COMMD1: variants seen among roughly 807,000 people sequenced by gnomAD.
COMMD1 encodes the protein copper metabolism domain containing 1, also known as COMM domain-containing protein 1.
Under a neutral mutation model 17.2 loss-of-function variants are expected in COMMD1, and 10 were observed. That is an observed-to-expected ratio of 0.58 (90% CI 0.36 to 0.99). The LOEUF (loss-of-function observed/expected upper bound fraction) is 0.99. COMMD1 is among the 50% of genes least tolerant of loss of function. The pLI is 0.01. For missense variants in COMMD1, 270 were observed against 231.8 expected, an observed-to-expected ratio of 1.17 and a Z score of -1.07; for synonymous variants, 97 against 91.6, an observed-to-expected ratio of 1.06 and a Z score of -0.34.
At chr2:62,066,193 G>A (rs191683350) in intron 2 of COMMD1, among the ~76,000 whole-genome samples, 26 of 152,176 alleles carry the variant, frequency 1.7e-4, no homozygotes, top group African/African-American at 3.1e-4. Flanking sequence ...TAATCTTACC[G>A]TTATTTCCTA....
intron 1 of COMMD1, chr2:61,915,840 G>T (rs1221822916): frequency 5.1e-5 from 16 of 314,232 alleles, no homozygotes; most frequent in Non-Finnish European, 1.9e-5. Context: ...TAGTTTTTTT[G>T]ATTATTAAAA....
Position 62,104,892 on chromosome 2 carries a change from G to A in COMMD1, c.463-30939G>A, listed in dbSNP as rs537346988. 1.9e-3 allele frequency among the ~76,000 whole-genome samples: 285 copies of A among 151,922 alleles called. 1 individual carries two copies. The highest frequency in any genetic ancestry group is 6.5e-3 in the African/African-American group (269 of 41,452). On this transcript the variant is annotated intron_variant, in intron 2 of 2. Transcript: ENST00000311832. The stretch of plus-strand genomic sequence containing the variant: ...TGTAGTCCCAGCACTTTGGGAGGCC[G>A]AGGTGGGTGGATCACCCGAGGTCAG...
At chr2:61,956,774 T>TG (rs1671208926) in intron 1 of COMMD1, among the ~76,000 whole-genome samples, 1 of 151,738 alleles carries the variant, frequency 6.6e-6, no homozygotes, top group Admixed American at 6.6e-5. Context: ...TTTTTTGCGA[T>TG]GGGGTCTCGC....
intron 1 of COMMD1, among the ~76,000 whole-genome samples, chr2:61,976,271 G>C (rs114822773): frequency 0.019 from 2,785 of 149,958 alleles, 42 homozygotes; most frequent in Middle Eastern, 0.052. Flanking sequence ...ACTATATGTT[G>C]TCTATAAAAA....
In COMMD1 at chr2:61,930,656, TGA is replaced by T. The variant is rs1553369159; in HGVS notation, c.180+24800_180+24801del. On this transcript the variant is annotated intron_variant, in intron 1 of 2. Coordinates refer to ENST00000311832, the MANE Select transcript of COMMD1 (RefSeq NM_152516.4). ...GTGTGTGTGTGTGTGTGTGTGTGTG[TGA>T]GTGAGTGTTTGAGCTCACCTATCCA... Among the ~76,000 whole-genome samples, 16 of 148,446 alleles carry T rather than the reference TGA, an allele frequency of 1.1e-4. 1 individual carries two copies. Among genetic ancestry groups the T allele is most frequent in the East Asian group, 2.0e-4 (1 of 5,054 alleles).
Position 62,065,173 on chromosome 2 carries a change from T to A in COMMD1, c.462+64191T>A, listed in dbSNP as rs34579697. 8.5e-3 allele frequency among the ~76,000 whole-genome samples: 1,286 copies of A among 152,144 alleles called. 7 individuals carry two copies. The highest frequency in any genetic ancestry group is 0.015 in the Non-Finnish European group (1,009 of 67,990). The stretch of plus-strand genomic sequence containing the variant: ...GCCTGGGTGTCAGAGCAAGACCCTG[T>A]CTCTCAAAAATATGTATATGATATA... On this transcript the variant is annotated intron_variant, in intron 2 of 2. Coordinates refer to ENST00000311832, the MANE Select transcript of COMMD1 (RefSeq NM_152516.4).
intron 1 of COMMD1, among the ~76,000 whole-genome samples, chr2:61,983,984 C>G (rs1018981468): frequency 2.6e-5 from 4 of 152,036 alleles, no homozygotes; most frequent in Non-Finnish European, 5.9e-5. Flanking sequence ...AAACTTCTTC[C>G]TTAGTACTGC....
intron 1 of COMMD1, among the ~76,000 whole-genome samples, chr2:61,972,638 T>C (rs1240799272): frequency 3.3e-5 from 5 of 152,058 alleles, no homozygotes; most frequent in African/African-American, 1.2e-4. Context: ...CTGCGTTCTT[T>C]CTCCCCAAAA....
In COMMD1 at chr2:62,073,417, C is replaced by T. The variant is rs1375851; in HGVS notation, c.463-62414C>T. ...ACCTCCACCATCCTCTAATCTTCAC[C>T]TAAGCATTCCTTTCTACCAACCTCG... On this transcript the variant is annotated intron_variant, in intron 2 of 2. Transcript: ENST00000311832. Among the ~76,000 whole-genome samples the T allele has an allele frequency of 1.7e-3, 261 of 152,324 alleles. 2 individuals carry two copies. Among genetic ancestry groups the T allele is most frequent in the African/African-American group, 6.0e-3 (249 of 41,578 alleles).
intron 2 of COMMD1, among the ~76,000 whole-genome samples, chr2:62,111,546 C>T (rs1047643170): frequency 6.6e-6 from 1 of 152,120 alleles, no homozygotes; most frequent in Non-Finnish European, 1.5e-5. Context: ...GGGGCAGGAC[C>T]CTCTGGAATA....
At chr2:62,126,199 C>T (rs920364482) in intron 2 of COMMD1, among the ~76,000 whole-genome samples, 7 of 152,128 alleles carry the variant, frequency 4.6e-5, no homozygotes, top group African/African-American at 1.7e-4. Context: ...GATTCCATGT[C>T]TTTGCTGTTG....
chr2:62,079,487 C>T (rs1355869078), intron 2 of COMMD1, among the ~76,000 whole-genome samples: 3 of 152,144 alleles, frequency 2.0e-5, no homozygotes, highest in Non-Finnish European at 4.4e-5. Flanking sequence ...TCAATCTGTT[C>T]CCTTCACCGG....
intron 2 of COMMD1, among the ~76,000 whole-genome samples, chr2:62,016,371 G>T (rs1221725790): frequency 6.6e-6 from 1 of 151,244 alleles, no homozygotes; most frequent in African/African-American, 2.4e-5. Flanking sequence ...ACCATGCCTG[G>T]TTAATTTTTT....
intron 2 of COMMD1, chr2:62,118,832 A>G (rs1028939204): frequency 1.3e-5 from 2 of 152,194 alleles, no homozygotes; most frequent in Non-Finnish European, 2.9e-5. Context: ...TGTTTTTCTT[A>G]TTTATGGACT....
chr2:62,038,157 A>G (rs1670089365), intron 2 of COMMD1, among the ~76,000 whole-genome samples: 1 of 152,068 alleles, frequency 6.6e-6, no homozygotes, highest in South Asian at 2.1e-4. Flanking sequence ...GCGTGGTGGC[A>G]TGCACCTGTA....
At chr2:62,032,472 G>C (rs1344999185) in intron 2 of COMMD1, among the ~76,000 whole-genome samples, 2 of 152,182 alleles carry the variant, frequency 1.3e-5, no homozygotes, top group Admixed American at 1.3e-4. Context: ...AGAGTTCCTG[G>C]CTGCAGTGAG....
At chr2:62,068,790 GATTTTTTATTTTATTTT>G (rs1272357655) in intron 2 of COMMD1, among the ~76,000 whole-genome samples, 4 of 151,582 alleles carry the variant, frequency 2.6e-5, no homozygotes, top group Admixed American at 6.6e-5. Flanking sequence ...ACACCCGGCT[GATTTTTTATTTTATTTT>G]ATTTTTTATT....
At chr2:62,096,643 A>G (rs1430295000) in intron 2 of COMMD1, among the ~76,000 whole-genome samples, 2 of 152,202 alleles carry the variant, frequency 1.3e-5, no homozygotes, top group Non-Finnish European at 2.9e-5. Flanking sequence ...TAAGAATCCT[A>G]TTAATTGTTT....
intron 1 of COMMD1, among the ~76,000 whole-genome samples, chr2:61,974,187 AG>A (rs1163675151): frequency 1.2e-4 from 19 of 152,180 alleles, no homozygotes; most frequent in Non-Finnish European, 2.8e-4. Context: ...CCAGCTACTC[AG>A]GAGTCCAAGG....
Sources: allele counts gnomAD v4.1 joint callset (sites outside exome capture counted in the v4.1 genomes callset), GRCh38; gene constraint gnomAD v4.1.1; transcripts MANE v1.5; gene names NCBI Gene and HGNC (gene_info 2026-07-23, HGNC 2026-07-21).